BRSK2: variants seen among roughly 807,000 people sequenced by gnomAD.
The protein encoded by BRSK2 is serine/threonine-protein kinase BRSK2.
BRSK2 carries 19 observed loss-of-function variants against 83.3 expected under a neutral mutation model. That is an observed-to-expected ratio of 0.23 (90% CI 0.16 to 0.33). The LOEUF is 0.33. Ranked by LOEUF, BRSK2 falls within the 10% of genes least tolerant of loss-of-function variation. BRSK2 has a pLI of 1.00. For synonymous variants in BRSK2, 519 were observed against 435.4 expected, an observed-to-expected ratio of 1.19 and a Z score of -2.39; for missense variants, 798 against 1,042.3, an observed-to-expected ratio of 0.77 and a Z score of 3.23.
chr11:1,443,750 G>C, intron 8 of BRSK2, 115 bp downstream of exon 8: 1 of 1,324,012 alleles, frequency 7.6e-7, no homozygotes, highest in Non-Finnish European at 1.0e-6. Context: ...AGGTGTGTGG[G>C]TCGGTGCCCA....
chr11:1,391,376 C>T (rs1845721406), intron 1 of BRSK2, among the ~76,000 whole-genome samples: 1 of 152,298 alleles, frequency 6.6e-6, no homozygotes, highest in East Asian at 1.9e-4. Flanking sequence ...AGGAGGAGAG[C>T]GCTGGTGCAG....
intron 1 of BRSK2, among the ~76,000 whole-genome samples, chr11:1,406,385 T>C (rs1311139190): frequency 6.6e-6 from 1 of 152,110 alleles, no homozygotes; most frequent in Non-Finnish European, 1.5e-5. Context: ...GGCGGGAGAA[T>C]GGCATGAACC....
chr11:1,411,711 G>A (rs1847525288), intron 1 of BRSK2: 27 of 1,521,906 alleles, frequency 1.8e-5, no homozygotes, highest in East Asian at 2.5e-5. Flanking sequence ...CAGCCCCCAC[G>A]GCAGGGACGG....
Position 1,460,915 on chromosome 11 carries a change from T to G in BRSK2, c.*192T>G. The G allele has an allele frequency of 6.2e-7, 1 of 1,611,180 alleles. No individual in the cohort carries two copies. The highest frequency in any genetic ancestry group is 8.5e-7 in the Non-Finnish European group (1 of 1,179,070). On this transcript the variant is annotated 3_prime_UTR_variant, in exon 20 of 20. Coordinates refer to ENST00000528841, the MANE Select transcript of BRSK2 (RefSeq NM_001256627.2). The stretch of plus-strand genomic sequence containing the variant: ...ACCCGCGCCCGCTCTCTTTTCTCTC[T>G]GTCTCTGCCTCTGCCTGTCTCTGAC...
chr11:1,450,716 G>T lies in BRSK2; in HGVS notation c.1417G>T (p.Val473Leu), dbSNP rs1357288779. The change falls in exon 14 of 20, where the codon GTG becomes TTG. Residue 473 changes from valine (V) to leucine (L), a missense_variant. Physicochemically the swap from Val to Leu is conservative, Grantham distance 32. Transcript: ENST00000528841. ...TPPSSPSVGG[V>L]PWRARLNSIK... ...CCCGTCCAGCCCCAGCGTCGGAGGGGTGCCCTGGAGGGCGCGGCTCAACTC... is the reference window on the plus strand; with the variant it reads ...CCCGTCCAGCCCCAGCGTCGGAGGGTTGCCCTGGAGGGCGCGGCTCAACTC... 3 of 1,603,026 alleles carry T rather than the reference G, an allele frequency of 1.9e-6. No individual in the cohort carries two copies. The highest frequency in any genetic ancestry group is 3.5e-5 in the Admixed American group (2 of 57,044).
chr11:1,456,653 C>T lies in BRSK2; in HGVS notation c.1905C>T (p.Ser635=), dbSNP rs1032224460. 6.2e-7 allele frequency: 1 copy of T among 1,609,732 alleles called. No individual in the cohort carries two copies. Among genetic ancestry groups the T allele is most frequent in the Non-Finnish European group, 8.5e-7 (1 of 1,178,836 alleles). ...VVETIQAQLL[S]THDPPAAQHL... is the part of the protein sequence containing the mutation. The stretch of plus-strand genomic sequence containing the variant: ...AGACCATCCAGGCCCAGCTGCTGAG[C>T]ACACACGACCCGCCTGCGGCCCAGC... The change falls in exon 18 of 20, where the codon AGC becomes AGT. Residue 635 remains serine (S), a synonymous_variant. Transcript: ENST00000528841.
chr11:1,437,311 C>T (rs1850450210), intron 2 of BRSK2, among the ~76,000 whole-genome samples: 2 of 152,154 alleles, frequency 1.3e-5, no homozygotes, highest in Admixed American at 6.5e-5. Flanking sequence ...AGGGCTGGGA[C>T]CCCATCACAA....
intron 1 of BRSK2, among the ~76,000 whole-genome samples, chr11:1,405,334 G>A (rs1418871569): frequency 1.3e-5 from 2 of 152,108 alleles, no homozygotes; most frequent in East Asian, 3.9e-4. Context: ...TGTGTGTGTG[G>A]TGTGTCTGCA....
intron 12 of BRSK2, among the ~76,000 whole-genome samples, chr11:1,449,365 A>G (rs1297555347): frequency 6.6e-6 from 1 of 152,164 alleles, no homozygotes; most frequent in Non-Finnish European, 1.5e-5. Flanking sequence ...GCCCTGTGAG[A>G]GCTCAGCCAG....
Position 1,412,502 on chromosome 11 carries a change from T to C in BRSK2, c.91+22127T>C, listed in dbSNP as rs1046417017. Among the ~76,000 whole-genome samples, 2 of 55,748 alleles carry C rather than the reference T, an allele frequency of 3.6e-5. 1 individual carries two copies. The highest frequency in any genetic ancestry group is 3.2e-4 in the Admixed American group (2 of 6,308). The allele number at this position is 55,748 out of a possible 152,430, so 36.6% of individuals were successfully genotyped here. On this transcript the variant is annotated intron_variant, in intron 1 of 19. Transcript: ENST00000528841. ...GTCTCAGCTGTGCTGCCCCGTCCTGTGATTGGTGAACTCTGAGCTGTGCTG... is the reference window on the plus strand; with the variant it reads ...GTCTCAGCTGTGCTGCCCCGTCCTGCGATTGGTGAACTCTGAGCTGTGCTG...
intron 1 of BRSK2, among the ~76,000 whole-genome samples, chr11:1,435,591 G>A (rs2132999454): frequency 7.0e-6 from 1 of 143,502 alleles, no homozygotes; most frequent in South Asian, 2.4e-4. Flanking sequence ...GCGGAGGAGG[G>A]GTGTCGGTGG....
At position 1,454,746 on chromosome 11, in the gene BRSK2, T is replaced by TGG. The variant is rs1291618895; in HGVS notation, c.1668+139_1668+140dup. 6.0e-6 allele frequency: 7 copies of TGG among 1,173,306 alleles called. No individual in the cohort carries two copies. The highest frequency in any genetic ancestry group is 5.2e-5 in the East Asian group (2 of 38,556). The allele number at this position is 1,173,306 out of a possible 1,614,324, so 72.7% of individuals were successfully genotyped here. ...ACGTCCGCTCACCCGTGGGCCTGCC[T>TGG]GGCCGCCTTCACTGGACAGGCGCTC... On this transcript the variant is annotated intron_variant, in intron 16 of 19. Coordinates refer to ENST00000528841, the MANE Select transcript of BRSK2 (RefSeq NM_001256627.2). The surrounding 1 kb of genome is among the most constrained non-coding windows in gnomAD (Gnocchi z 5.2).
Position 1,438,388 on chromosome 11 carries a change from A to G in BRSK2, c.269A>G (p.Tyr90Cys), listed in dbSNP as rs778285727. The change falls in exon 3 of 20, where the codon TAT (tyrosine) becomes TGT (cysteine). Residue 90 changes from tyrosine (Y) to cysteine (C), a missense_variant. By Grantham distance (194) the Tyr-to-Cys change is radical. Transcript: ENST00000528841. This position sits in a 1 kb window ranked among gnomAD's most constrained non-coding sequence, Gnocchi z 6.4. The part of the protein sequence containing the change: ...KLHDVYENKK[Y>C]LYLVLEHVSG... The stretch of plus-strand genomic sequence containing the variant: ...CACGACGTTTATGAAAACAAAAAAT[A>G]TTTGTAGGTATTGCTGGGTCTGAAG... 1.9e-6 allele frequency: 3 copies of G among 1,613,568 alleles called. No individual in the cohort carries two copies. The East Asian group carries it at 6.7e-5, about 36-fold the overall frequency.
chr11:1,401,874 A>C (rs551454981), intron 1 of BRSK2, among the ~76,000 whole-genome samples: 1 of 152,230 alleles, frequency 6.6e-6, no homozygotes, highest in Non-Finnish European at 1.5e-5. Flanking sequence ...CTGCAGCTGG[A>C]AAGAAGCTAT....
chr11:1,461,377 C>T lies in BRSK2; in HGVS notation c.*654C>T. The T allele has an allele frequency of 3.4e-6, 1 of 296,150 alleles. No homozygotes were observed. Among genetic ancestry groups the T allele is most frequent in the Non-Finnish European group, 6.3e-6 (1 of 158,472 alleles). The allele number at this position is 296,150 out of a possible 1,614,324, so 18.3% of individuals were successfully genotyped here. A position where few individuals can be genotyped will look rare whatever the true frequency, so the allele number is the denominator to read the frequency against. On this transcript the variant is annotated 3_prime_UTR_variant, in exon 20 of 20. Transcript: ENST00000528841. ...TGCGCCGCCTCCGTGTAGTCTTGGC[C>T]TCCTCAGGCTGCCTCCCGTCCTCTC...
At chr11:1,411,023 C>T in intron 1 of BRSK2, 1 of 1,027,592 alleles carries the variant, frequency 9.7e-7, no homozygotes, top group Non-Finnish European at 1.2e-6. Context: ...GTGCGTCTGC[C>T]TTTTCTGCTC....
chr11:1,447,752 C>T (rs773292697), intron 12 of BRSK2: 26 of 1,565,258 alleles, frequency 1.7e-5, no homozygotes, highest in Admixed American at 3.6e-5. Flanking sequence ...CCTGTGCCCG[C>T]GTGTGGCCGT....
intron 1 of BRSK2, among the ~76,000 whole-genome samples, chr11:1,417,899 G>C (rs1848258268): frequency 6.7e-6 from 1 of 148,690 alleles, no homozygotes; most frequent in Non-Finnish European, 1.5e-5. Flanking sequence ...TCTCTTGAGA[G>C]TGGGTCACAC....
At chr11:1,439,911 G>A (rs1205686639) in intron 3 of BRSK2, among the ~76,000 whole-genome samples, 1 of 151,896 alleles carries the variant, frequency 6.6e-6, no homozygotes, top group Non-Finnish European at 1.5e-5. Context: ...CCTGCCCTGG[G>A]GGCTTCACCA....
Sources: allele counts gnomAD v4.1 joint callset (sites outside exome capture counted in the v4.1 genomes callset), GRCh38; gene constraint gnomAD v4.1.1; non-coding constraint Gnocchi (gnomAD v3.1); transcripts MANE v1.5; gene names NCBI Gene and HGNC (gene_info 2026-07-23, HGNC 2026-07-21).